Variants in KRT36 observed in about 807,000 individuals in gnomAD.
KRT36 encodes the protein keratin, type I cuticular Ha6.
A neutral mutation model predicts 43.0 loss-of-function variants in KRT36; 41 were observed. The ratio of observed to expected loss-of-function variants is 0.95; its 90% CI spans 0.74 to 1.24. KRT36 has a LOEUF of 1.24. Ranked by LOEUF, KRT36 falls within the 50% of genes most tolerant of loss-of-function variation. KRT36 has a pLI of 0.00. For missense variants in KRT36, 627 were observed against 595.3 expected (o/e 1.05, Z -0.55); for synonymous variants, 277 against 252.9 (o/e 1.10, Z -0.90).
In KRT36 at chr17:41,489,314, A is replaced by G. The variant is rs1904495266; in HGVS notation, c.459+92T>C. 4 of 1,376,972 alleles carry G rather than the reference A, an allele frequency of 2.9e-6. No homozygotes were observed. In the Admixed American group the frequency reaches 8.7e-5, roughly 30 times the overall value. 85.3% of individuals were successfully genotyped at this position (1,376,972 alleles called of 1,614,324 possible). On this transcript the variant is annotated intron_variant, in intron 1 of 6. Transcript: ENST00000328119. ...TGCCCTACCAGGAGAATTCCCTAAA[A>G]GCTACCGTCCCATCTGGAAAGGCCC...
chr17:41,489,756 AGGAGCCCACAGAACGGAT>A lies in KRT36; in HGVS notation c.91_108del (p.Ile31_Ser36del). The A allele has an allele frequency of 6.2e-7, 1 of 1,614,022 alleles. No individual in the cohort carries two copies. The highest frequency in any genetic ancestry group is 8.5e-7 in the Non-Finnish European group (1 of 1,179,984). On this transcript the variant is annotated inframe_deletion, in exon 1 of 7. Coordinates refer to ENST00000328119, the MANE Select transcript of KRT36 (RefSeq NM_003771.5). ...GCACCGGCGAGACTGGGGACCCTGC[AGGAGCCCACAGAACGGAT>A]GGAGGACACCCGAGAGATGCCGCCT... is the stretch of plus-strand genomic sequence containing the variant.
chr17:41,487,450 C>G lies in KRT36; in HGVS notation c.888G>C (p.Val296=). Residue 296 remains valine (V), a synonymous_variant, in exon 5 of 7, where the codon GTG becomes GTC. Coordinates refer to ENST00000328119, the MANE Select transcript of KRT36 (RefSeq NM_003771.5). ...TQTEELNQQV[V]SSSEQLQCCQ... ...AGCACTGCAGCTGCTCCGAGCTGGA[C>G]ACCACCTGCTGGTTCAGCTCCTCAG... The G allele has an allele frequency of 6.2e-7, 1 of 1,614,196 alleles. No homozygotes were observed. Among genetic ancestry groups the G allele is most frequent in the African/African-American group, 1.3e-5 (1 of 75,064 alleles).
Position 41,486,709 on chromosome 17 carries a change from G to A in KRT36, c.1209-138C>T, listed in dbSNP as rs370032795. On this transcript the variant is annotated intron_variant, in intron 6 of 6. Coordinates refer to ENST00000328119, the MANE Select transcript of KRT36 (RefSeq NM_003771.5). ...GCCTCTGAATTCCCCAAGGGTGAGA[G>A]GACTGAGCTACAGGAATGAAGAGCA... The A allele has an allele frequency of 1.7e-5, 13 of 753,020 alleles. No individual in the cohort carries two copies. The East Asian group carries it at 2.4e-4, about 14-fold the overall frequency. 46.6% of individuals were successfully genotyped at this position (753,020 alleles called of 1,614,324 possible).
intron 1 of KRT36, 51 bp downstream of exon 1, chr17:41,489,355 G>T: frequency 1.3e-6 from 2 of 1,561,162 alleles, no homozygotes; most frequent in South Asian, 1.2e-5. Flanking sequence ...TGAGACAGAC[G>T]CCTCCTAAGA....
At chr17:41,488,093 T>C (rs112440684) in intron 3 of KRT36, 150 bp downstream of exon 3, 79,114 of 845,784 alleles carry the variant, frequency 0.094, 4,290 homozygotes, top group Non-Finnish European at 0.11. Flanking sequence ...TAACAGTTTA[T>C]AATTCTTGGG....
rs967049258 is a variant in KRT36, at chr17:41,489,594, C to T, written c.271G>A (p.Gly91Ser). The change falls in exon 1 of 7, where the codon GGC becomes AGC. Residue 91 changes from glycine (G) to serine (S), a missense_variant. Physicochemically the swap from Gly to Ser is moderately conservative, Grantham distance 56 (BLOSUM62 0). Coordinates refer to ENST00000328119, the MANE Select transcript of KRT36 (RefSeq NM_003771.5). ...AACTGCATAGTCTCCTTCTCGCTGCCGTTGAAGGAGCCCTCGCAGAACCAG... is the reference window on the plus strand; with the variant it reads ...AACTGCATAGTCTCCTTCTCGCTGCTGTTGAAGGAGCCCTCGCAGAACCAG... Reference protein sequence around the residue: ...GGWFCEGSFNGSEKETMQFLN... With the variant: ...GGWFCEGSFNSSEKETMQFLN... 6 of 1,614,060 alleles carry T rather than the reference C, an allele frequency of 3.7e-6. No individual in the cohort carries two copies. Among genetic ancestry groups the T allele is most frequent in the South Asian group, 1.1e-5 (1 of 91,090 alleles).
rs373040716 is a variant in KRT36 at position 41,489,624 on chromosome 17, C to A, written c.241G>T (p.Gly81Trp). ...ECHTSGFVGS[G>W]GWFCEGSFNG... The stretch of plus-strand genomic sequence containing the variant: ...AAGGAGCCCTCGCAGAACCAGCCCC[C>A]GCTCCCCACAAAGCCAGAGGTGTGG... Residue 81 changes from glycine (G) to tryptophan (W), a missense_variant, in exon 1 of 7, where the codon GGG becomes TGG. Gly to Trp is a radical substitution (Grantham distance 184). Transcript: ENST00000328119. The A allele has an allele frequency of 2.5e-6, 4 of 1,614,020 alleles. No individual in the cohort carries two copies. The African/African-American group carries it at 5.3e-5, about 22-fold the overall frequency.
chr17:41,486,503 G>A lies in KRT36; in HGVS notation c.1277C>T (p.Pro426Leu), dbSNP rs1284254296. The change falls in exon 7 of 7, where the codon CCC (proline) becomes CTC (leucine). Residue 426 changes from proline to leucine, a missense_variant. By Grantham distance (98) the Pro-to-Leu change is moderately conservative. Transcript: ENST00000328119. ...GGTGCAGGGCACAGAGGGGACACAGGGCACCGGGGGGACAGAAGGAACTCT... is the reference window on the plus strand; with the variant it reads ...GGTGCAGGGCACAGAGGGGACACAGAGCACCGGGGGGACAGAAGGAACTCT... ...VIRVPSVPPV[P>L]CVPSVPCTPA... is the part of the protein sequence containing the mutation. 1 of 1,611,750 alleles carries A rather than the reference G, an allele frequency of 6.2e-7. No homozygotes were observed. Among genetic ancestry groups the A allele is most frequent in the African/African-American group, 1.3e-5 (1 of 74,932 alleles).
chr17:41,487,068 C>CA lies in KRT36; in HGVS notation c.1089dup (p.Glu364Ter), dbSNP rs1221105408. 18 of 1,614,120 alleles carry CA rather than the reference C, an allele frequency of 1.1e-5. No individual in the cohort carries two copies. Among genetic ancestry groups the CA allele is most frequent in the Non-Finnish European group, 1.4e-5 (17 of 1,180,036 alleles). On this transcript the variant is annotated frameshift_variant, in exon 6 of 7. Coordinates refer to ENST00000328119, the MANE Select transcript of KRT36 (RefSeq NM_003771.5). LOFTEE classifies it high-confidence loss of function. ...TGCCGCTCCAGGTCGCAGCGGATCT[C>CA]AGACAGCTGGGCCTCCACGTTGCTG... is the stretch of plus-strand genomic sequence containing the variant.
In KRT36 at chr17:41,488,393, C is replaced by G; in HGVS notation, c.549G>C (p.Glu183Asp). Residue 183 changes from glutamate (E) to aspartate (D), a missense_variant, in exon 3 of 7, where the codon GAG (glutamate) becomes GAC (aspartate). Glu to Asp is a conservative substitution (Grantham distance 45). Coordinates refer to ENST00000328119, the MANE Select transcript of KRT36 (RefSeq NM_003771.5). ...CTAGCTGCCGCAGAGACAGCTCTGT[C>G]TCATACCTGCACACACAGAACCCTG... ...LAADDFRTKY[E>D]TELSLRQLVE... is the part of the protein sequence containing the mutation. The G allele has an allele frequency of 6.2e-7, 1 of 1,613,858 alleles. No homozygotes were observed. Among genetic ancestry groups the G allele is most frequent in the Non-Finnish European group, 8.5e-7 (1 of 1,179,780 alleles).
chr17:41,488,677 A>G lies in KRT36; in HGVS notation c.507T>C (p.Asp169=), dbSNP rs1904475466. The G allele has an allele frequency of 6.2e-7, 1 of 1,614,176 alleles. No individual in the cohort carries two copies. Among genetic ancestry groups the G allele is most frequent in the Non-Finnish European group, 8.5e-7 (1 of 1,180,016 alleles). The part of the protein sequence containing the change: ...SENARLVLQI[D]NAKLAADDFR... ...AGTCGTCAGCAGCCAGCTTGGCATTATCAATCTGCAGGACCAGCCTGGCAT... is the reference window on the plus strand; with the variant it reads ...AGTCGTCAGCAGCCAGCTTGGCATTGTCAATCTGCAGGACCAGCCTGGCAT... Residue 169 remains aspartate, a synonymous_variant, in exon 2 of 7, where the codon GAT becomes GAC. Coordinates refer to ENST00000328119, the MANE Select transcript of KRT36 (RefSeq NM_003771.5).
intron 3 of KRT36, 51 bp downstream of exon 3, chr17:41,488,192 C>A (rs773294049): frequency 6.3e-7 from 1 of 1,575,532 alleles, no homozygotes; most frequent in Admixed American, 1.8e-5. Context: ...CCAGCAGTGG[C>A]TTCCTAAGCT....
Position 41,487,622 on chromosome 17 carries a change from A to G in KRT36, c.815T>C (p.Leu272Pro). ...LEDMRCQYEALVENNRRDVEA... is the reference protein window; with the variant it reads ...LEDMRCQYEAPVENNRRDVEA... Reference sequence around the variant, plus strand: ...CACATCTCTGCGGTTATTCTCCACCAGGGCCTCGTACTGGCATCTCATATC... The same window carrying G: ...CACATCTCTGCGGTTATTCTCCACCGGGGCCTCGTACTGGCATCTCATATC... Residue 272 changes from leucine to proline, a missense_variant, in exon 4 of 7, where the codon CTG (leucine) becomes CCG (proline). Transcript: ENST00000328119. 6.2e-7 allele frequency: 1 copy of G among 1,614,148 alleles called. No homozygotes were observed. Among genetic ancestry groups the G allele is most frequent in the Non-Finnish European group, 8.5e-7 (1 of 1,179,990 alleles).
chr17:41,486,562 G>A lies in KRT36; in HGVS notation c.1218C>T (p.Pro406=), dbSNP rs149008991. 3,668 of 1,574,574 alleles carry A rather than the reference G, an allele frequency of 2.3e-3. 6 individuals carry two copies. The highest frequency in any genetic ancestry group is 9.2e-3 in the Middle Eastern group (54 of 5,852). The change falls in exon 7 of 7, where the codon CCC becomes CCT. Residue 406 remains proline, a synonymous_variant. Coordinates refer to ENST00000328119, the MANE Select transcript of KRT36 (RefSeq NM_003771.5). ...LLEGEDCKLP[P]QPCATACKPV... is the part of the protein sequence containing the mutation. The stretch of plus-strand genomic sequence containing the variant: ...GCTTGCATGCCGTGGCACAAGGTTG[G>A]GGAGGAAGCCTGAGGAAACAAAATC...
Position 41,486,538 on chromosome 17 carries a change from C to T in KRT36, c.1242G>A (p.Lys414=), listed in dbSNP as rs944186232. 2 of 1,595,972 alleles carry T rather than the reference C, an allele frequency of 1.3e-6. No homozygotes were observed. Among genetic ancestry groups the T allele is most frequent in the Admixed American group, 1.8e-5 (1 of 56,852 alleles). ...LPPQPCATAC[K]PVIRVPSVPP... ...GGACAGAAGGAACTCTAATAACAGG[C>T]TTGCATGCCGTGGCACAAGGTTGGG... The change falls in exon 7 of 7, where the codon AAG becomes AAA. Residue 414 remains lysine, a synonymous_variant. Coordinates refer to ENST00000328119, the MANE Select transcript of KRT36 (RefSeq NM_003771.5).
chr17:41,488,874 G>C, intron 1 of KRT36, 150 bp from the exon 2 acceptor site: 2 of 685,422 alleles, frequency 2.9e-6, no homozygotes, highest in Non-Finnish European at 5.2e-6. Context: ...GGTGTGGGGG[G>C]AGCATCCACC....
Position 41,488,587 on chromosome 17 carries a change from G to A in KRT36, c.542+55C>T, listed in dbSNP as rs540364036. On this transcript the variant is annotated intron_variant, in intron 2 of 6. Coordinates refer to ENST00000328119, the MANE Select transcript of KRT36 (RefSeq NM_003771.5). Reference sequence around the variant, plus strand: ...CCCACATCACCAGCTCCCAAAGGCAGGGGACAGAGGCAAGGGAGTGGCATG... The same window carrying A: ...CCCACATCACCAGCTCCCAAAGGCAAGGGACAGAGGCAAGGGAGTGGCATG... The A allele has an allele frequency of 6.7e-4, 1,043 of 1,566,584 alleles. 7 individuals are homozygous for A. The Middle Eastern group carries it at 6.7e-3, about 10-fold the overall frequency.
At chr17:41,488,538 C>A in intron 2 of KRT36, 104 bp downstream of exon 2, 1 of 1,503,578 alleles carries the variant, frequency 6.7e-7, no homozygotes, top group Non-Finnish European at 9.2e-7. Flanking sequence ...GGGCTCATGC[C>A]ACATTTTCCC....
At position 41,487,816 on chromosome 17, in the gene KRT36, C is replaced by T. The variant is rs944501712; in HGVS notation, c.700-79G>A. 4 of 1,404,174 alleles carry T rather than the reference C, an allele frequency of 2.8e-6. No homozygotes were observed. The East Asian group carries it at 6.9e-5, about 24-fold the overall frequency. 87.0% of individuals were successfully genotyped at this position (1,404,174 alleles called of 1,614,324 possible). A position where few individuals can be genotyped will look rare whatever the true frequency, so the allele number is the denominator to read the frequency against. Reference sequence around the variant, plus strand: ...GGTTTCAATGACCTGAATTCAAACCCTCTTCCCTCAGTCACCAGCTGCATA... The same window carrying T: ...GGTTTCAATGACCTGAATTCAAACCTTCTTCCCTCAGTCACCAGCTGCATA... On this transcript the variant is annotated intron_variant, in intron 3 of 6. Coordinates refer to ENST00000328119, the MANE Select transcript of KRT36 (RefSeq NM_003771.5).
Sources: allele counts gnomAD v4.1 joint callset, GRCh38; gene constraint gnomAD v4.1.1; transcripts MANE v1.5; gene names NCBI Gene and HGNC (gene_info 2026-07-23, HGNC 2026-07-21).